PPEF1: variants seen among roughly 807,000 people sequenced by gnomAD.
The protein encoded by PPEF1 is protein phosphatase with EF-hand domain 1.
PPEF1 carries 12 observed loss-of-function variants against 53.3 expected under a neutral mutation model. The ratio of observed to expected loss-of-function variants is 0.23; its 90% CI spans 0.14 to 0.36. PPEF1 has a LOEUF of 0.36. Among genes scored for constraint, PPEF1 ranks in the 10% least tolerant of loss-of-function variants. PPEF1 has a pLI of 1.00. For missense variants in PPEF1, 334 were observed against 490.4 expected, an observed-to-expected ratio of 0.68 and a Z score of 3.01; for synonymous variants, 165 against 176.7, an observed-to-expected ratio of 0.93 and a Z score of 0.52.
intron 6 of PPEF1, among the ~76,000 whole-genome samples, chrX:18,762,389 A>T (rs1223987373): frequency 8.9e-6 from 1 of 111,954 alleles, no homozygotes; most frequent in Non-Finnish European, 1.9e-5. Flanking sequence ...TAGGTATCTC[A>T]GATGGGTGGA....
chrX:18,808,008 C>T (rs764661924), intron 12 of PPEF1, among the ~76,000 whole-genome samples: 13 of 89,441 alleles, frequency 1.5e-4, no homozygotes, highest in Admixed American at 6.8e-4. Context: ...TGCTCTGTTG[C>T]CAGGCTGGAG....
intron 10 of PPEF1, among the ~76,000 whole-genome samples, chrX:18,798,630 G>A (rs1166523881): frequency 9.0e-6 from 1 of 110,615 alleles, no homozygotes; most frequent in Non-Finnish European, 1.9e-5. Context: ...GGCTGAGCAC[G>A]GCTTTTTTTT....
rs180813671 is a variant in PPEF1 at position 18,763,149 on chromosome X, C to T, written c.558+1573C>T. Among the ~76,000 whole-genome samples the T allele has an allele frequency of 8.4e-3, 937 of 111,516 alleles. 13 individuals are homozygous for T. Among genetic ancestry groups the T allele is most frequent in the African/African-American group, 0.029 (885 of 30,665 alleles). On this transcript the variant is annotated intron_variant, in intron 6 of 15. Coordinates refer to ENST00000470157, the MANE Select transcript of PPEF1 (RefSeq NM_001377996.1). Reference sequence around the variant, plus strand: ...TAACTAAGGTCTGAGTCCTGAAGACCTTCCTCTGGAGCCTCAGTAAATTTA... The same window carrying T: ...TAACTAAGGTCTGAGTCCTGAAGACTTTCCTCTGGAGCCTCAGTAAATTTA...
chrX:18,822,124 T>G (rs1395863860), intron 13 of PPEF1, among the ~76,000 whole-genome samples: 1 of 112,008 alleles, frequency 8.9e-6, no homozygotes. Flanking sequence ...TGGGCTGTGG[T>G]GTCAGTGAAA....
intron 3 of PPEF1, among the ~76,000 whole-genome samples, chrX:18,737,951 CT>C (rs1035670924): frequency 2.7e-5 from 3 of 109,536 alleles, no homozygotes; most frequent in African/African-American, 6.6e-5. Flanking sequence ...GCAACCCCTG[CT>C]TTTTTTTTGT....
At position 18,782,413 on chromosome X, in the gene PPEF1, CTTT is replaced by C. The variant is rs11360277; in HGVS notation, c.762+25_762+27del. On this transcript the variant is annotated intron_variant, in intron 8 of 15. Transcript: ENST00000470157. ...TTGCATAAATATAAGGTAAGACATG[CTTT>C]TTTTTTTTTTTTTAGTATTCACTTT... is the stretch of plus-strand genomic sequence containing the variant. The C allele has an allele frequency of 3.5e-3, 3,225 of 916,383 alleles. No individual in the cohort carries two copies. Among genetic ancestry groups the C allele is most frequent in the Non-Finnish European group, 3.8e-3 (2,637 of 685,973 alleles). 75.5% of individuals were successfully genotyped at this position (916,383 alleles called of 1,213,427 possible). A position where few individuals can be genotyped will look rare whatever the true frequency, so the allele number is the denominator to read the frequency against.
At chrX:18,732,059 G>A (rs1177306550) in intron 2 of PPEF1, among the ~76,000 whole-genome samples, 1 of 112,196 alleles carries the variant, frequency 8.9e-6, no homozygotes, top group Non-Finnish European at 1.9e-5. Context: ...GCTAATTTTT[G>A]CATTTTCGGT....
chrX:18,779,581 A>T (rs779997326), intron 7 of PPEF1, among the ~76,000 whole-genome samples: 1 of 111,721 alleles, frequency 9.0e-6, no homozygotes, highest in African/African-American at 3.3e-5. Context: ...AACTAGTTCC[A>T]TGTTTTTCAC....
intron 3 of PPEF1, among the ~76,000 whole-genome samples, chrX:18,740,167 G>A (rs1194131585): frequency 5.4e-5 from 6 of 112,008 alleles, no homozygotes; most frequent in African/African-American, 9.7e-5. Flanking sequence ...AGATGAACCC[G>A]GTGCCTCAGT....
At chrX:18,787,346 T>G (rs898659266) in intron 9 of PPEF1, among the ~76,000 whole-genome samples, 5 of 111,133 alleles carry the variant, frequency 4.5e-5, no homozygotes, top group Non-Finnish European at 9.4e-5. Context: ...TAGGTTCATT[T>G]AAGGTATTTT....
rs188478033 is a variant in PPEF1 at position 18,685,044 on chromosome X, G to C, written c.-520+275G>C. Among the ~76,000 whole-genome samples, 475 of 112,284 alleles carry C rather than the reference G, an allele frequency of 4.2e-3. 3 individuals carry two copies. The highest frequency in any genetic ancestry group is 0.018 in the Middle Eastern group (4 of 217). ...ATTTAAAAGGCAACACCTGATAGCA[G>C]CCAGTGCTAATTGGTGATGGAAATG... is the stretch of plus-strand genomic sequence containing the variant. On this transcript the variant is annotated intron_variant, in intron 2 of 21. Coordinates refer to the PPEF1 transcript ENST00000361511.
intron 4 of PPEF1, among the ~76,000 whole-genome samples, chrX:18,696,148 T>A (rs1271347208): frequency 9.1e-6 from 1 of 110,288 alleles, no homozygotes; most frequent in Non-Finnish European, 1.9e-5. Flanking sequence ...TAAATTAGAG[T>A]CCTTCGATTT....
At chrX:18,710,985 A>AGT (rs575049156) in intron 1 of PPEF1, among the ~76,000 whole-genome samples, 3,148 of 106,571 alleles carry the variant, frequency 0.03, 79 homozygotes, top group South Asian at 0.15. Flanking sequence ...TGTATATGTA[A>AGT]GTGTGTGTGT....
At chrX:18,805,835 C>T (rs192265886) in intron 11 of PPEF1, among the ~76,000 whole-genome samples, 14 of 64,489 alleles carry the variant, frequency 2.2e-4, no homozygotes, top group Admixed American at 2.1e-3. Context: ...GAGCGAGACT[C>T]CATCTTAAAA....
At chrX:18,810,086 G>A (rs2046775803) in intron 12 of PPEF1, among the ~76,000 whole-genome samples, 1 of 108,138 alleles carries the variant, frequency 9.2e-6, no homozygotes, top group Non-Finnish European at 1.9e-5. Context: ...CTGTGTGTGT[G>A]TGTGTGTGTG....
At chrX:18,759,582 C>CT (rs907023492) in intron 5 of PPEF1, among the ~76,000 whole-genome samples, 1 of 111,537 alleles carries the variant, frequency 9.0e-6, no homozygotes, top group African/African-American at 3.3e-5. Flanking sequence ...ACGAGTTTTT[C>CT]TTTCGCTGTC....
At chrX:18,763,838 G>C (rs913289294) in intron 6 of PPEF1, among the ~76,000 whole-genome samples, 2 of 111,485 alleles carry the variant, frequency 1.8e-5, no homozygotes, top group Non-Finnish European at 3.8e-5. Flanking sequence ...ACTTCAGCAG[G>C]CCCAAGCCAG....
At chrX:18,694,254 G>A (rs1010272462) in intron 4 of PPEF1, among the ~76,000 whole-genome samples, 1 of 111,869 alleles carries the variant, frequency 8.9e-6, no homozygotes, top group Admixed American at 9.5e-5. Context: ...CTGCATACAC[G>A]TTTTTGCATG....
At chrX:18,706,651 C>A (rs993500208), upstream of PPEF1, among the ~76,000 whole-genome samples, 7 of 109,072 alleles carry the variant, frequency 6.4e-5, no homozygotes, top group East Asian at 2.1e-3. Context: ...GAGGCTGAGG[C>A]GGGAGGATCA....
Sources: gnomAD v4.1 joint callset for allele counts (sites outside exome capture counted in the v4.1 genomes callset) on GRCh38, gnomAD v4.1.1 for gene constraint, MANE v1.5 for transcripts, NCBI Gene and HGNC (gene_info 2026-07-23, HGNC 2026-07-21) for gene names.